TMEM131: variants seen among roughly 807,000 people sequenced by gnomAD.
The protein encoded by TMEM131 is transmembrane protein 131, also known as 2610524E03Rik.
A neutral mutation model predicts 211.6 loss-of-function variants in TMEM131; 66 were observed. That is an observed-to-expected ratio of 0.31 (90% CI 0.26 to 0.38). The LOEUF is 0.38. TMEM131 is among the 10% of genes least tolerant of loss of function. TMEM131 has a pLI of 1.00. For missense variants in TMEM131, 2,036 were observed against 2,299.3 expected (o/e 0.89, Z 2.34); for synonymous variants, 844 against 841.3 (o/e 1.00, Z -0.06).
intron 4 of TMEM131, among the ~76,000 whole-genome samples, chr2:97,859,695 C>T (rs1001561807): frequency 1.3e-5 from 2 of 152,150 alleles, no homozygotes; most frequent in East Asian, 1.9e-4. Context: ...AGTGAGGCGG[C>T]GGACGGGGCA....
intron 2 of TMEM131, among the ~76,000 whole-genome samples, chr2:97,915,917 CTTATT>C (rs528749248): frequency 5.9e-4 from 90 of 152,030 alleles, no homozygotes; most frequent in African/African-American, 2.0e-3. Context: ...AAGGCTGTTT[CTTATT>C]TTATTTTAAT....
rs1483159621 is a variant in TMEM131, at chr2:97,844,396, A to G, written c.484-135T>C. ...AGTTTAAGCTTTAAGTTAGCAGTGG[A>G]AAATAATTAAAAAGATGTCTTCCAT... On this transcript the variant is annotated intron_variant, in intron 5 of 40. Transcript: ENST00000186436. 8.5e-6 allele frequency: 3 copies of G among 354,948 alleles called. No individual in the cohort carries two copies. In the East Asian group the frequency reaches 1.3e-4, roughly 15 times the overall value. 22.0% of individuals were successfully genotyped at this position (354,948 alleles called of 1,614,324 possible). A position where few individuals can be genotyped will look rare whatever the true frequency, so the allele number is the denominator to read the frequency against.
chr2:97,910,573 C>G (rs1471270419), intron 2 of TMEM131, among the ~76,000 whole-genome samples: 3 of 152,168 alleles, frequency 2.0e-5, no homozygotes, highest in Non-Finnish European at 4.4e-5. Flanking sequence ...AATTCTGACA[C>G]ATGCCACAAC....
chr2:97,877,684 G>A (rs1674755586), intron 4 of TMEM131, among the ~76,000 whole-genome samples: 1 of 152,006 alleles, frequency 6.6e-6, no homozygotes, highest in Non-Finnish European at 1.5e-5. Flanking sequence ...CCGCTTCCTT[G>A]TACCTTATAC....
intron 4 of TMEM131, among the ~76,000 whole-genome samples, chr2:97,871,723 T>TA (rs1188986483): frequency 6.6e-6 from 1 of 152,162 alleles, no homozygotes; most frequent in African/African-American, 2.4e-5. Context: ...ACTATCCTTG[T>TA]AAAACCCTAA....
chr2:97,899,251 C>T (rs1675747132), intron 3 of TMEM131, among the ~76,000 whole-genome samples: 1 of 152,038 alleles, frequency 6.6e-6, no homozygotes, highest in Non-Finnish European at 1.5e-5. Context: ...ACTTGTTTTC[C>T]TAGGTCTTTT....
chr2:97,869,532 G>T (rs1674406565), intron 4 of TMEM131, among the ~76,000 whole-genome samples: 1 of 152,224 alleles, frequency 6.6e-6, no homozygotes. Flanking sequence ...GGAGTAACAA[G>T]AACAGAGGGA....
intron 14 of TMEM131, 44 bp from the exon 15 acceptor site, chr2:97,814,185 C>T: frequency 6.2e-7 from 1 of 1,611,718 alleles, no homozygotes; most frequent in Non-Finnish European, 8.5e-7. Context: ...GTCAGCATCA[C>T]CTAGTTGGTA....
At chr2:97,899,939 C>T (rs1190774484) in intron 3 of TMEM131, among the ~76,000 whole-genome samples, 1 of 152,076 alleles carries the variant, frequency 6.6e-6, no homozygotes, top group African/African-American at 2.4e-5. Flanking sequence ...AATACGGATG[C>T]TTCTTGACTT....
At chr2:97,873,949 C>T (rs1674589225) in intron 4 of TMEM131, among the ~76,000 whole-genome samples, 1 of 151,952 alleles carries the variant, frequency 6.6e-6, no homozygotes, top group Non-Finnish European at 1.5e-5. Flanking sequence ...TGTTCTAATC[C>T]AATGCAAGGA....
rs57606185 is a variant in TMEM131 at position 97,981,028 on chromosome 2, C to CAAAAAAAA, written c.187+14440_187+14447dup. The stretch of plus-strand genomic sequence containing the variant: ...TGCTGAAACTCACAGAACTACACAC[C>CAAAAAAAA]AAAAAAAAAAAAAAAAAAAAAAAAA... On this transcript the variant is annotated intron_variant, in intron 1 of 40. Transcript: ENST00000186436. Among the ~76,000 whole-genome samples the CAAAAAAAA allele has an allele frequency of 2.2e-3, 85 of 37,966 alleles. 3 individuals carry two copies. The highest frequency in any genetic ancestry group is 2.7e-3 in the Non-Finnish European group (58 of 21,676). 24.9% of individuals were successfully genotyped at this position (37,966 alleles called of 152,430 possible).
At chr2:97,758,463 T>C (rs1248174251) in intron 40 of TMEM131, among the ~76,000 whole-genome samples, 1 of 152,228 alleles carries the variant, frequency 6.6e-6, no homozygotes, top group African/African-American at 2.4e-5. Flanking sequence ...CAGGTGCTTC[T>C]CAGCAACAAA....
intron 9 of TMEM131, 24 bp downstream of exon 9, chr2:97,834,751 C>T (rs757854638): frequency 5.0e-6 from 8 of 1,608,852 alleles, no homozygotes; most frequent in African/African-American, 2.7e-5. Flanking sequence ...AAACAACTTT[C>T]GATTTCATCA....
At position 97,776,045 on chromosome 2, in the gene TMEM131, A is replaced by G. The variant is rs1271410445; in HGVS notation, c.4145-27T>C. On this transcript the variant is annotated intron_variant, in intron 31 of 40. Coordinates refer to ENST00000186436, the MANE Select transcript of TMEM131 (RefSeq NM_015348.2). ...TGAGGATAAAAATTAAAGTAAAAGA[A>G]CTCTTGTTTTTGTTTCTTTTTTTTT... 5 of 1,574,108 alleles carry G rather than the reference A, an allele frequency of 3.2e-6. No individual in the cohort carries two copies. In the African/African-American group the frequency reaches 5.7e-5, roughly 18 times the overall value.
At chr2:97,813,946 T>C (rs757099958) in intron 15 of TMEM131, 25 bp downstream of exon 15, 10 of 1,524,612 alleles carry the variant, frequency 6.6e-6, no homozygotes, top group Admixed American at 4.1e-5. Flanking sequence ...GGAGTTTAAA[T>C]GTTAAAGATG....
At chr2:97,853,519 T>G (rs1218406111) in intron 5 of TMEM131, among the ~76,000 whole-genome samples, 1 of 150,464 alleles carries the variant, frequency 6.6e-6, no homozygotes, top group Admixed American at 6.6e-5. Flanking sequence ...GGCAGGAGAA[T>G]TGCTTGAACC....
intron 36 of TMEM131, 53 bp from the exon 37 acceptor site, chr2:97,760,967 C>T (rs781285690): frequency 1.1e-5 from 17 of 1,603,812 alleles, no homozygotes; most frequent in South Asian, 2.2e-5. Context: ...TGCCCTGTCT[C>T]GGGGAGGTGT....
intron 5 of TMEM131, among the ~76,000 whole-genome samples, chr2:97,852,359 C>G (rs534100713): frequency 6.6e-6 from 1 of 151,972 alleles, no homozygotes; most frequent in East Asian, 1.9e-4. Flanking sequence ...GGTTTCACCA[C>G]GTTGGCCAGG....
chr2:97,817,655 A>G (rs1231881685), intron 12 of TMEM131, among the ~76,000 whole-genome samples: 1 of 152,204 alleles, frequency 6.6e-6, no homozygotes, highest in African/African-American at 2.4e-5. Flanking sequence ...CACTGAGCTC[A>G]CAGGATGAAC....
Sources: allele counts gnomAD v4.1 joint callset (sites outside exome capture counted in the v4.1 genomes callset), GRCh38; gene constraint gnomAD v4.1.1; transcripts MANE v1.5; gene names NCBI Gene and HGNC (gene_info 2026-07-23, HGNC 2026-07-21).